The following GNG7 variants were observed in gnomAD, a reference collection of about 807,000 sequenced individuals.
GNG7 encodes guanine nucleotide-binding protein G(I)/G(S)/G(O) subunit gamma-7.
A neutral mutation model predicts 4.0 loss-of-function variants in GNG7; 1 was observed. That is an observed-to-expected ratio of 0.25 (90% CI 0.09 to 1.18). The LOEUF (loss-of-function observed/expected upper bound fraction) is 1.18. Ranked by LOEUF, GNG7 falls within the 50% of genes most tolerant of loss-of-function variation. The pLI is 0.50. For missense variants in GNG7, 86 were observed against 91.9 expected (o/e 0.94, Z 0.26); for synonymous variants, 34 against 36.9 (o/e 0.92, Z 0.29).
chr19:2,610,646 ATTT>A (rs1382184444), intron 2 of GNG7: 1 of 148,916 alleles, frequency 6.7e-6, no homozygotes, highest in Non-Finnish European at 1.5e-5. Flanking sequence ...CCGGCCACTA[ATTT>A]TTTTATTTTT....
At chr19:2,668,475 TCCC>T (rs998674940) in intron 1 of GNG7, among the ~76,000 whole-genome samples, 2 of 152,032 alleles carry the variant, frequency 1.3e-5, no homozygotes, top group Non-Finnish European at 2.9e-5. Context: ...GTCTCCTGTT[TCCC>T]TGGCTCGGTG....
rs891010413 is a variant in GNG7, at chr19:2,614,003, C to G, written c.-78+32221G>C. Among the ~76,000 whole-genome samples, 1 of 152,222 alleles carries G rather than the reference C, an allele frequency of 6.6e-6. No homozygotes were observed. The highest frequency in any genetic ancestry group is 1.5e-5 in the Non-Finnish European group (1 of 68,034). ...GGCCACAGCGACATCTAAAGGCCGG[C>G]AAGTGCAATGCAGAATCCACCCAGG... On this transcript the variant is annotated intron_variant, in intron 2 of 4. Transcript: ENST00000382159. The surrounding 1 kb of genome is among the most constrained non-coding windows in gnomAD (Gnocchi z 6.0).
chr19:2,657,361 A>ATATAT (rs1417220700), intron 1 of GNG7, among the ~76,000 whole-genome samples: 1 of 16,326 alleles, frequency 6.1e-5, no homozygotes, highest in Non-Finnish European at 1.0e-4. Flanking sequence ...AAAAAAAAAA[A>ATATAT]ATATATATAT....
At chr19:2,591,427 C>T (rs957210973) in intron 2 of GNG7, among the ~76,000 whole-genome samples, 17 of 145,738 alleles carry the variant, frequency 1.2e-4, no homozygotes, top group Admixed American at 6.9e-5. Flanking sequence ...TAGTATGTCA[C>T]TGTTTTCGTA....
intron 4 of GNG7, among the ~76,000 whole-genome samples, chr19:2,515,480 T>A (rs1162706179): frequency 1.3e-5 from 2 of 151,772 alleles, no homozygotes; most frequent in Admixed American, 1.3e-4. Flanking sequence ...CAGGCTCTAG[T>A]GCAGTGGCAC....
At chr19:2,692,259 C>T (rs967706885) in intron 1 of GNG7, among the ~76,000 whole-genome samples, 2 of 152,208 alleles carry the variant, frequency 1.3e-5, no homozygotes, top group Non-Finnish European at 1.5e-5. Context: ...GCCAGGACAT[C>T]TGCATTTGAA....
At chr19:2,628,491 CTCTTTCTT>C (rs1226700119) in intron 2 of GNG7, among the ~76,000 whole-genome samples, 1 of 151,816 alleles carries the variant, frequency 6.6e-6, no homozygotes, top group Non-Finnish European at 1.5e-5. Flanking sequence ...TTCCCTTTCT[CTCTTTCTT>C]TCAACTGTGG....
At chr19:2,565,987 G>A (rs183974555) in intron 2 of GNG7, among the ~76,000 whole-genome samples, 182 of 152,026 alleles carry the variant, frequency 1.2e-3, no homozygotes, top group African/African-American at 4.2e-3. Context: ...GTGAAACCCC[G>A]TCTCTACTAA....
chr19:2,516,910 G>A (rs953629271), intron 4 of GNG7: 4 of 152,242 alleles, frequency 2.6e-5, no homozygotes, highest in African/African-American at 9.7e-5. Context: ...CATGCCTTTG[G>A]GGGTGCCGCT....
At chr19:2,678,275 G>T (rs75919413) in intron 1 of GNG7, among the ~76,000 whole-genome samples, 5,130 of 152,280 alleles carry the variant, frequency 0.034, 280 homozygotes, top group African/African-American at 0.12. Flanking sequence ...CCTGGGGGGA[G>T]CGAGATATAC....
At chr19:2,623,093 G>A (rs1294181306) in intron 2 of GNG7, among the ~76,000 whole-genome samples, 1 of 152,210 alleles carries the variant, frequency 6.6e-6, no homozygotes, top group Non-Finnish European at 1.5e-5. Context: ...CACAGGTTGG[G>A]CTGTAGTATC....
chr19:2,661,287 AAAGAAAGAAAGAAAG>A lies in GNG7; in HGVS notation c.-134-15022_-134-15008del, dbSNP rs1568277728. ...AAAGAAAGAAAAGAAAGAAAGAAAG[AAAGAAAGAAAGAAAG>A]AGAAAGAAAGAAAGAAAGAAAGAAA... On this transcript the variant is annotated intron_variant, in intron 1 of 4. Transcript: ENST00000382159. Among the ~76,000 whole-genome samples, 16 of 50,628 alleles carry A rather than the reference AAAGAAAGAAAGAAAG, an allele frequency of 3.2e-4. 1 individual carries two copies. Among genetic ancestry groups the A allele is most frequent in the South Asian group, 7.4e-4 (1 of 1,354 alleles). The allele number at this position is 50,628 out of a possible 152,430, so 33.2% of individuals were successfully genotyped here.
chr19:2,644,494 GA>G (rs894560352), intron 2 of GNG7, among the ~76,000 whole-genome samples: 4 of 151,228 alleles, frequency 2.6e-5, no homozygotes, highest in Middle Eastern at 3.4e-3. Context: ...CCAAAAAGAA[GA>G]AAAAAATCAT....
chr19:2,559,234 A>G (rs1326610967), intron 2 of GNG7, among the ~76,000 whole-genome samples: 1 of 152,150 alleles, frequency 6.6e-6, no homozygotes, highest in Non-Finnish European at 1.5e-5. Flanking sequence ...GTCACCACAA[A>G]AACTGAGTTT....
chr19:2,555,383 G>A (rs934543386), intron 2 of GNG7, among the ~76,000 whole-genome samples, 195 bp from the exon 3 acceptor site: 2 of 152,172 alleles, frequency 1.3e-5, no homozygotes, highest in Non-Finnish European at 2.9e-5. Flanking sequence ...CCACCGATCC[G>A]TGCGGAGAAG....
intron 1 of GNG7, among the ~76,000 whole-genome samples, chr19:2,678,752 T>C (rs116565438): frequency 0.01 from 1,525 of 151,852 alleles, 25 homozygotes; most frequent in African/African-American, 0.035. Flanking sequence ...TCTCAAGGGG[T>C]CCCAGCTCTC....
intron 3 of GNG7, among the ~76,000 whole-genome samples, chr19:2,530,678 C>T (rs952665084): frequency 6.6e-6 from 1 of 152,050 alleles, no homozygotes; most frequent in Non-Finnish European, 1.5e-5. Flanking sequence ...TGACGTTGTG[C>T]CACTGCACTC....
rs1295806860 is a variant in GNG7 at position 2,512,180 on chromosome 19, C to T, written c.*2842G>A. On this transcript the variant is annotated 3_prime_UTR_variant, in exon 5 of 5. Transcript: ENST00000382159. This position sits in a 1 kb window ranked among gnomAD's most constrained non-coding sequence, Gnocchi z 4.7. ...AAGGCTAGAGCTGCTGCTGCCACCC[C>T]CGCCCGCCAGCTCCCCGTCTGGAGG... The T allele has an allele frequency of 5.1e-6, 5 of 985,770 alleles. No individual in the cohort carries two copies. In the African/African-American group the frequency reaches 8.7e-5, roughly 17 times the overall value. The allele number at this position is 985,770 out of a possible 1,614,324, so 61.1% of individuals were successfully genotyped here.
At chr19:2,604,193 A>C (rs1981303581) in intron 2 of GNG7, among the ~76,000 whole-genome samples, 1 of 151,986 alleles carries the variant, frequency 6.6e-6, no homozygotes, top group South Asian at 2.1e-4. Flanking sequence ...GGTCTTAGCC[A>C]GGTGCAGCAT....
Sources: allele counts gnomAD v4.1 joint callset (sites outside exome capture counted in the v4.1 genomes callset), GRCh38; gene constraint gnomAD v4.1.1; non-coding constraint Gnocchi (gnomAD v3.1); transcripts MANE v1.5; gene names NCBI Gene and HGNC (gene_info 2026-07-23, HGNC 2026-07-21).